CNOT6L: variants seen among roughly 807,000 people sequenced by gnomAD.
The protein encoded by CNOT6L is CCR4-NOT transcription complex subunit 6 like.
A neutral mutation model predicts 64.0 loss-of-function variants in CNOT6L; 7 were observed. That is an observed-to-expected ratio of 0.11 (90% CI 0.06 to 0.21). The LOEUF (loss-of-function observed/expected upper bound fraction) is 0.21. CNOT6L is among the 10% of genes least tolerant of loss of function. CNOT6L has a pLI of 1.00. For missense variants in CNOT6L, 245 were observed against 669.0 expected, an observed-to-expected ratio of 0.37 and a Z score of 6.99; for synonymous variants, 193 against 243.4, an observed-to-expected ratio of 0.79 and a Z score of 1.93.
intron 4 of CNOT6L, among the ~76,000 whole-genome samples, chr4:77,757,918 T>G (rs1725740864): frequency 6.6e-6 from 1 of 152,210 alleles, no homozygotes; most frequent in Non-Finnish European, 1.5e-5. Context: ...CAGGCTGCTC[T>G]TGAACTTCTG....
At chr4:77,765,443 ACAGAAAACAC>A (rs1473053936) in intron 4 of CNOT6L, among the ~76,000 whole-genome samples, 1 of 152,216 alleles carries the variant, frequency 6.6e-6, no homozygotes, top group African/African-American at 2.4e-5. Context: ...CTCAATGAAA[ACAGAAAACAC>A]CAGGCAATGA....
chr4:77,779,153 T>C (rs1728553631), intron 1 of CNOT6L, among the ~76,000 whole-genome samples: 1 of 151,940 alleles, frequency 6.6e-6, no homozygotes, highest in Admixed American at 6.6e-5. Flanking sequence ...GTATGTTCCT[T>C]AAGGGGACTA....
intron 4 of CNOT6L, among the ~76,000 whole-genome samples, chr4:77,768,474 AATATATATATATATATATATATAT>A (rs1193284066): frequency 0.061 from 797 of 13,140 alleles, 31 homozygotes; most frequent in African/African-American, 0.11. Context: ...AAAATAAATA[AATATATATATATATATATATATAT>A]ATATATATAT....
At chr4:77,813,200 G>A (rs561273257) in intron 1 of CNOT6L, among the ~76,000 whole-genome samples, 1 of 152,048 alleles carries the variant, frequency 6.6e-6, no homozygotes, top group Non-Finnish European at 1.5e-5. Flanking sequence ...AATTCAAAAT[G>A]GATCAAAGAT....
At chr4:77,777,072 G>A (rs1296842888) in intron 1 of CNOT6L, among the ~76,000 whole-genome samples, 1 of 152,170 alleles carries the variant, frequency 6.6e-6, no homozygotes, top group African/African-American at 2.4e-5. Flanking sequence ...TGATACACAA[G>A]CCAATATAGT....
upstream of CNOT6L, among the ~76,000 whole-genome samples, chr4:77,820,064 G>T (rs955001572): frequency 6.6e-6 from 1 of 152,154 alleles, no homozygotes; most frequent in Non-Finnish European, 1.5e-5. Context: ...CGCCGCTGCG[G>T]GGGTTGCCGC....
intron 1 of CNOT6L, among the ~76,000 whole-genome samples, chr4:77,807,718 G>A (rs1047000266): frequency 2.0e-5 from 3 of 152,114 alleles, no homozygotes; most frequent in Admixed American, 1.3e-4. Flanking sequence ...GCAAAGACAA[G>A]ATCATCAAGG....
At position 77,715,454 on chromosome 4, in the gene CNOT6L, G is replaced by A. The variant is rs889745346; in HGVS notation, c.*4977C>T. ...AAATATTCTATTACTTCAATGTCAT[G>A]TCTGTTGAACGAAGAACTCAACATG... On this transcript the variant is annotated 3_prime_UTR_variant, in exon 12 of 12. Transcript: ENST00000504123. The A allele has an allele frequency of 1.3e-5, 2 of 152,072 alleles. No homozygotes were observed. The highest frequency in any genetic ancestry group is 4.8e-5 in the African/African-American group (2 of 41,422). 9.4% of individuals were successfully genotyped at this position (152,072 alleles called of 1,614,324 possible). A position where few individuals can be genotyped will look rare whatever the true frequency, so the allele number is the denominator to read the frequency against.
chr4:77,804,330 T>C (rs1400256652), intron 1 of CNOT6L, among the ~76,000 whole-genome samples: 2 of 150,656 alleles, frequency 1.3e-5, no homozygotes, highest in East Asian at 2.0e-4. Flanking sequence ...TCAGGAGGCT[T>C]AGGCAGGAGA....
chr4:77,810,271 A>T (rs1367091702), intron 1 of CNOT6L, among the ~76,000 whole-genome samples: 1 of 152,156 alleles, frequency 6.6e-6, no homozygotes, highest in Non-Finnish European at 1.5e-5. Context: ...AAAAGTAAAC[A>T]AAGGGTAATC....
intron 1 of CNOT6L, among the ~76,000 whole-genome samples, chr4:77,811,556 A>G (rs1732940323): frequency 6.6e-6 from 1 of 152,186 alleles, no homozygotes. Flanking sequence ...CAAAACAAAA[A>G]CAAGAAAGGA....
intron 1 of CNOT6L, among the ~76,000 whole-genome samples, chr4:77,794,194 G>C (rs1259872136): frequency 1.5e-5 from 2 of 132,286 alleles, no homozygotes; most frequent in African/African-American, 2.7e-5. Context: ...GAAATAGAAG[G>C]AAAGAGAGAT....
intron 1 of CNOT6L, among the ~76,000 whole-genome samples, chr4:77,795,565 CT>C (rs1258118973): frequency 6.6e-6 from 1 of 152,086 alleles, no homozygotes; most frequent in Non-Finnish European, 1.5e-5. Context: ...GTGTGTGGCA[CT>C]TCCCCCTTCA....
At chr4:77,764,744 C>T (rs759828324) in intron 4 of CNOT6L, among the ~76,000 whole-genome samples, 3 of 152,154 alleles carry the variant, frequency 2.0e-5, no homozygotes, top group South Asian at 4.1e-4. Flanking sequence ...AACATACTGA[C>T]GCTTTCTGAC....
rs79865979 is a variant in CNOT6L at position 77,799,262 on chromosome 4, T to C, written c.5+20042A>G. Among the ~76,000 whole-genome samples, 290 of 152,182 alleles carry C rather than the reference T, an allele frequency of 1.9e-3. 4 individuals are homozygous for C. The East Asian group carries it at 0.044, about 23-fold the overall frequency. On this transcript the variant is annotated intron_variant, in intron 1 of 11. Coordinates refer to ENST00000504123, the MANE Select transcript of CNOT6L (RefSeq NM_144571.3). ...GGGCAACACATCAAGTCCCTGTTTC[T>C]ACAAAAAACAAACTTTGCTGGGAAT...
At chr4:77,721,440 T>C (rs1378941538) in intron 11 of CNOT6L, among the ~76,000 whole-genome samples, 3 of 152,174 alleles carry the variant, frequency 2.0e-5, no homozygotes, top group African/African-American at 7.2e-5. Flanking sequence ...CCTATTCATA[T>C]CAAGATAGCC....
chr4:77,766,047 A>AC (rs1726783738), intron 4 of CNOT6L, among the ~76,000 whole-genome samples: 1 of 152,134 alleles, frequency 6.6e-6, no homozygotes, highest in Non-Finnish European at 1.5e-5. Context: ...TGAACCAGTA[A>AC]CTGCCTAACT....
chr4:77,788,592 G>A (rs1729730810), intron 1 of CNOT6L, among the ~76,000 whole-genome samples: 1 of 152,142 alleles, frequency 6.6e-6, no homozygotes, highest in Non-Finnish European at 1.5e-5. Flanking sequence ...GCCGGACGTG[G>A]TGGCATGTGC....
In CNOT6L at chr4:77,718,877, A is replaced by ATACTT. The variant is rs1339583329; in HGVS notation, c.*1549_*1553dup. The ATACTT allele has an allele frequency of 2.6e-5, 4 of 152,614 alleles. No homozygotes were observed. Among genetic ancestry groups the ATACTT allele is most frequent in the African/African-American group, 9.6e-5 (4 of 41,452 alleles). The allele number at this position is 152,614 out of a possible 1,614,324, so 9.5% of individuals were successfully genotyped here. Reference sequence around the variant, plus strand: ...TAATTAAATAATTTAAATTTGACCTATACTTTATATATTAGTGAGACACAA... The same window carrying ATACTT: ...TAATTAAATAATTTAAATTTGACCTATACTTTACTTTATATATTAGTGAGACACAA... On this transcript the variant is annotated 3_prime_UTR_variant, in exon 12 of 12. Transcript: ENST00000504123.
Sources: allele counts gnomAD v4.1 joint callset (sites outside exome capture counted in the v4.1 genomes callset), GRCh38; gene constraint gnomAD v4.1.1; transcripts MANE v1.5; gene names NCBI Gene and HGNC (gene_info 2026-07-23, HGNC 2026-07-21).